Variants in FHOD3 observed in about 807,000 individuals in gnomAD.
FHOD3 encodes the protein FH1/FH2 domain-containing protein 3.
FHOD3 carries 90 observed loss-of-function variants against 173.0 expected under a neutral mutation model. That is an observed-to-expected ratio of 0.52 (90% CI 0.44 to 0.62). FHOD3 has a LOEUF of 0.62. Among genes scored for constraint, FHOD3 ranks in the 20% least tolerant of loss-of-function variants. The probability of loss-of-function intolerance (pLI) is 0.00; values close to 1 mark genes in which losing one functional copy is unlikely to be tolerated. For missense variants in FHOD3, 1,945 were observed against 2,034.7 expected (o/e 0.96, Z 0.85); for synonymous variants, 828 against 823.0 (o/e 1.01, Z -0.10).
At chr18:36,336,500 A>G (rs1170001959) in intron 1 of FHOD3, among the ~76,000 whole-genome samples, 2 of 152,178 alleles carry the variant, frequency 1.3e-5, no homozygotes, top group African/African-American at 4.8e-5. Context: ...AAAATAGACT[A>G]TGTTTAAAAT....
chr18:36,562,417 T>C (rs564405846), intron 5 of FHOD3, among the ~76,000 whole-genome samples: 1 of 152,314 alleles, frequency 6.6e-6, no homozygotes, highest in African/African-American at 2.4e-5. Context: ...GACTGTCTTG[T>C]TTAAAAACAT....
intron 15 of FHOD3, among the ~76,000 whole-genome samples, chr18:36,684,485 A>C (rs546922507): frequency 2.0e-5 from 3 of 152,150 alleles, no homozygotes; most frequent in South Asian, 2.1e-4. Flanking sequence ...AAATGAAAAG[A>C]TGTCTCTGTA....
At chr18:36,367,047 A>G (rs2046932207) in intron 2 of FHOD3, among the ~76,000 whole-genome samples, 1 of 152,176 alleles carries the variant, frequency 6.6e-6, no homozygotes, top group Non-Finnish European at 1.5e-5. Context: ...TTTATATGTT[A>G]CTCTTGTAAA....
At chr18:36,397,949 G>A (rs1277286873) in intron 3 of FHOD3, among the ~76,000 whole-genome samples, 2 of 152,198 alleles carry the variant, frequency 1.3e-5, no homozygotes, top group African/African-American at 4.8e-5. Flanking sequence ...CTGTTTACAT[G>A]TTATTGGACA....
At chr18:36,418,588 T>C (rs1390060695) in intron 3 of FHOD3, among the ~76,000 whole-genome samples, 1 of 152,130 alleles carries the variant, frequency 6.6e-6, no homozygotes, top group Admixed American at 6.5e-5. Flanking sequence ...GTTTTTCTTA[T>C]AGGTCACAGG....
At chr18:36,408,661 C>T (rs1018509109) in intron 3 of FHOD3, among the ~76,000 whole-genome samples, 6 of 152,138 alleles carry the variant, frequency 3.9e-5, no homozygotes, top group African/African-American at 1.2e-4. Context: ...AGGGGTTGGA[C>T]AGCCAGTGAT....
rs151272207 is a variant in FHOD3 at position 36,569,534 on chromosome 18, C to T, written c.512-6917C>T. Among the ~76,000 whole-genome samples, 886 of 152,214 alleles carry T rather than the reference C, an allele frequency of 5.8e-3. 6 individuals carry two copies. The highest frequency in any genetic ancestry group is 0.02 in the African/African-American group (849 of 41,536). ...TTTGGTAATCAATAGAATTGACAGA[C>T]TGAAAATCAGCAAGGCTATGAAGGA... On this transcript the variant is annotated intron_variant, in intron 5 of 28. Transcript: ENST00000590592.
chr18:36,660,583 G>T (rs1470908805), intron 14 of FHOD3, among the ~76,000 whole-genome samples: 1 of 152,190 alleles, frequency 6.6e-6, no homozygotes, highest in South Asian at 2.1e-4. Flanking sequence ...AAGAGGAGAC[G>T]CAAAATGAGT....
intron 18 of FHOD3, among the ~76,000 whole-genome samples, chr18:36,717,012 G>A (rs189885168): frequency 1.3e-5 from 2 of 151,986 alleles, no homozygotes; most frequent in African/African-American, 2.4e-5. Flanking sequence ...ATACAGGACA[G>A]AGAATTTCTG....
intron 14 of FHOD3, among the ~76,000 whole-genome samples, chr18:36,668,617 G>A (rs1442428938): frequency 6.6e-6 from 1 of 151,898 alleles, no homozygotes; most frequent in South Asian, 2.1e-4. Flanking sequence ...TAGGCATTCA[G>A]TGTTACAAAT....
chr18:36,650,367 A>G (rs2644265), intron 11 of FHOD3, among the ~76,000 whole-genome samples: 124,311 of 152,130 alleles, frequency 0.82, 51,027 homozygotes, highest in African/African-American at 0.86. Flanking sequence ...CATTTGACAC[A>G]CAGACTCCTG....
intron 18 of FHOD3, among the ~76,000 whole-genome samples, chr18:36,716,444 C>G (rs1333968365): frequency 5.9e-5 from 9 of 152,238 alleles, no homozygotes; most frequent in Admixed American, 5.9e-4. Context: ...GTAGCTGAGA[C>G]AGCAAAGGAT....
chr18:36,510,569 TTTTCAC>T (rs1470195989), intron 4 of FHOD3, among the ~76,000 whole-genome samples: 5 of 152,192 alleles, frequency 3.3e-5, no homozygotes, highest in African/African-American at 1.2e-4. Flanking sequence ...TGTTCTCACT[TTTTCAC>T]CATGAAGTCA....
chr18:36,610,470 G>A (rs753284307), intron 8 of FHOD3, among the ~76,000 whole-genome samples: 3 of 152,208 alleles, frequency 2.0e-5, no homozygotes, highest in Non-Finnish European at 2.9e-5. Flanking sequence ...CATACGTGGC[G>A]TGGCGGCCCA....
At chr18:36,519,516 C>A (rs2056167083) in intron 5 of FHOD3, among the ~76,000 whole-genome samples, 1 of 152,214 alleles carries the variant, frequency 6.6e-6, no homozygotes, top group Non-Finnish European at 1.5e-5. Flanking sequence ...CGCTGTGCTT[C>A]TTCTGCAAGT....
intron 2 of FHOD3, among the ~76,000 whole-genome samples, chr18:36,367,766 A>C: frequency 6.6e-6 from 1 of 152,152 alleles, no homozygotes; most frequent in East Asian, 1.9e-4. Context: ...CCTTGTCTCA[A>C]ATTGTGATCG....
intron 4 of FHOD3, among the ~76,000 whole-genome samples, chr18:36,508,721 T>C (rs2055449457): frequency 6.6e-6 from 1 of 152,034 alleles, no homozygotes; most frequent in East Asian, 1.9e-4. Context: ...AGTTTCAGTA[T>C]CTCACATTTA....
intron 16 of FHOD3, 75 bp from the exon 17 acceptor site, chr18:36,693,134 G>GT: frequency 7.0e-7 from 1 of 1,428,382 alleles, no homozygotes; most frequent in Non-Finnish European, 9.7e-7. Flanking sequence ...TTCTGCAGGT[G>GT]TTTCATCCAT....
At chr18:36,698,041 C>T (rs1329459899) in intron 17 of FHOD3, among the ~76,000 whole-genome samples, 1 of 152,214 alleles carries the variant, frequency 6.6e-6, no homozygotes, top group African/African-American at 2.4e-5. Flanking sequence ...CATCATCAGC[C>T]TAACACTGCA....
Sources: allele counts gnomAD v4.1 joint callset (sites outside exome capture counted in the v4.1 genomes callset), GRCh38; gene constraint gnomAD v4.1.1; transcripts MANE v1.5; gene names NCBI Gene and HGNC (gene_info 2026-07-23, HGNC 2026-07-21).